The following EBF2 variants were observed in gnomAD, a reference collection of about 807,000 sequenced individuals.
EBF2 encodes the protein EBF transcription factor 2.
In EBF2, 21 loss-of-function variants were observed where a neutral mutation model predicts 72.8. The ratio of observed to expected loss-of-function variants is 0.29; its 90% CI spans 0.20 to 0.42. The LOEUF is 0.42. Ranked by LOEUF, EBF2 falls within the 10% of genes least tolerant of loss-of-function variation. The pLI is 1.00. For missense variants in EBF2, 637 were observed against 731.2 expected, an observed-to-expected ratio of 0.87 and a Z score of 1.49; for synonymous variants, 299 against 274.2, an observed-to-expected ratio of 1.09 and a Z score of -0.89.
chr8:25,900,851 G>C (rs567466307), intron 7 of EBF2, among the ~76,000 whole-genome samples: 2 of 152,228 alleles, frequency 1.3e-5, no homozygotes, highest in Admixed American at 1.3e-4. Flanking sequence ...AGGATGAAGA[G>C]AGGTTGGTTA....
intron 6 of EBF2, among the ~76,000 whole-genome samples, chr8:25,923,854 A>G (rs147126408): frequency 9.5e-4 from 145 of 152,280 alleles, no homozygotes; most frequent in African/African-American, 3.2e-3. Flanking sequence ...ATTGACTTTG[A>G]TCATTTTTTT....
At chr8:25,846,076 C>T (rs1563371406) in intron 15 of EBF2, among the ~76,000 whole-genome samples, 1 of 152,138 alleles carries the variant, frequency 6.6e-6, no homozygotes, top group African/African-American at 2.4e-5. Flanking sequence ...GGATTAAGGT[C>T]TTACACAGCT....
intron 14 of EBF2, among the ~76,000 whole-genome samples, chr8:25,854,480 T>C (rs768373672): frequency 1.3e-5 from 2 of 152,186 alleles, no homozygotes; most frequent in Non-Finnish European, 2.9e-5. Flanking sequence ...TCATTAGTTG[T>C]GCATCAGAGC....
chr8:26,015,798 C>T (rs1454951807), intron 6 of EBF2, among the ~76,000 whole-genome samples: 1 of 152,170 alleles, frequency 6.6e-6, no homozygotes. Flanking sequence ...GTGGCAAAGC[C>T]TAGGCCAATG....
At chr8:25,993,405 C>T (rs1804576047) in intron 6 of EBF2, among the ~76,000 whole-genome samples, 1 of 152,180 alleles carries the variant, frequency 6.6e-6, no homozygotes. Flanking sequence ...ACTACAAGAC[C>T]TAGAGAGGCA....
At chr8:25,924,159 A>G (rs1585197009) in intron 6 of EBF2, among the ~76,000 whole-genome samples, 1 of 152,196 alleles carries the variant, frequency 6.6e-6, no homozygotes, top group East Asian at 1.9e-4. Flanking sequence ...CTCGTCCCTC[A>G]TACAAGTCCC....
intron 6 of EBF2, among the ~76,000 whole-genome samples, chr8:25,934,638 A>G (rs569111347): frequency 1.3e-5 from 2 of 152,280 alleles, no homozygotes; most frequent in East Asian, 3.9e-4. Flanking sequence ...CGGTCTCTGC[A>G]TGCTCAACCA....
intron 6 of EBF2, among the ~76,000 whole-genome samples, chr8:25,929,421 A>G (rs1803443275): frequency 1.3e-5 from 2 of 152,194 alleles, no homozygotes; most frequent in African/African-American, 2.4e-5. Flanking sequence ...GACTTAGAGC[A>G]CTTAGTACGA....
chr8:25,898,898 G>A (rs1336742098), intron 7 of EBF2, among the ~76,000 whole-genome samples: 3 of 152,144 alleles, frequency 2.0e-5, no homozygotes, highest in African/African-American at 4.8e-5. Flanking sequence ...TGGGTTCAGC[G>A]GCAGGTTTGT....
chr8:26,000,284 G>A (rs1804703054), intron 6 of EBF2, among the ~76,000 whole-genome samples: 1 of 152,108 alleles, frequency 6.6e-6, no homozygotes, highest in South Asian at 2.1e-4. Context: ...ACAAAGCAGT[G>A]CAAATGCTAG....
chr8:25,844,495 G>T lies in EBF2; in HGVS notation c.*114C>A. On this transcript the variant is annotated 3_prime_UTR_variant, in exon 16 of 16. Transcript: ENST00000520164. ...GCTGGCTCCTTGCAGACCCAAGGGT[G>T]TCCATCATGTTCATGTGGGGGCACC... is the stretch of plus-strand genomic sequence containing the variant. 8.3e-7 allele frequency: 1 copy of T among 1,210,046 alleles called. No individual in the cohort carries two copies. Among genetic ancestry groups the T allele is most frequent in the Non-Finnish European group, 1.2e-6 (1 of 822,774 alleles). 75.0% of individuals were successfully genotyped at this position (1,210,046 alleles called of 1,614,324 possible). A position where few individuals can be genotyped will look rare whatever the true frequency, so the allele number is the denominator to read the frequency against.
In EBF2 at chr8:25,844,632, C is replaced by T. The variant is rs760101657; in HGVS notation, c.1705G>A (p.Gly569Arg). 1.4e-5 allele frequency: 23 copies of T among 1,613,838 alleles called. No individual in the cohort carries two copies. The highest frequency in any genetic ancestry group is 1.7e-5 in the Non-Finnish European group (20 of 1,179,904). The change falls in exon 16 of 16, where the codon GGA (glycine) becomes AGA (arginine). Residue 569 changes from glycine to arginine, a missense_variant. Gly to Arg is a moderately radical substitution (Grantham distance 125). Around this residue, in one of 3 missense-constraint regions of EBF2, gnomAD observed 259 missense variants for 268.1 expected, o/e 0.97. Transcript: ENST00000520164. ...CTTTACATCGGGGGTACAACAAGTCCGGTCATGGCTGCAAGGAAAGAGTGG... is the reference window on the plus strand; with the variant it reads ...CTTTACATCGGGGGTACAACAAGTCTGGTCATGGCTGCAAGGAAAGAGTGG... The part of the protein sequence containing the change: ...GNGNGFRAMT[G>R]LVVPPM
chr8:25,924,310 A>T (rs1280674324), intron 6 of EBF2, among the ~76,000 whole-genome samples: 1 of 152,194 alleles, frequency 6.6e-6, no homozygotes, highest in Non-Finnish European at 1.5e-5. Flanking sequence ...CCTACCGTAA[A>T]ATCAGCCTCT....
At chr8:25,892,698 T>C (rs1483717269) in intron 7 of EBF2, among the ~76,000 whole-genome samples, 2 of 152,212 alleles carry the variant, frequency 1.3e-5, no homozygotes, top group African/African-American at 2.4e-5. Flanking sequence ...ATCTTGAACA[T>C]GGTGGTAACA....
At chr8:25,847,152 C>A (rs1304948464) in intron 15 of EBF2, among the ~76,000 whole-genome samples, 1 of 152,136 alleles carries the variant, frequency 6.6e-6, no homozygotes, top group African/African-American at 2.4e-5. Flanking sequence ...TCTTAAGGCA[C>A]TCAGTTCGGC....
At chr8:25,885,106 C>CT (rs1563388396) in intron 10 of EBF2, among the ~76,000 whole-genome samples, 1 of 151,896 alleles carries the variant, frequency 6.6e-6, no homozygotes, top group Non-Finnish European at 1.5e-5. Flanking sequence ...AACACCATTT[C>CT]TTTTTTTGAA....
At chr8:25,949,853 G>A (rs562654426) in intron 6 of EBF2, among the ~76,000 whole-genome samples, 6 of 152,304 alleles carry the variant, frequency 3.9e-5, no homozygotes, top group East Asian at 3.9e-4. Flanking sequence ...GTTTTGCCTC[G>A]AGCTGGCCTG....
At chr8:25,978,167 C>T (rs1804298674) in intron 6 of EBF2, among the ~76,000 whole-genome samples, 1 of 152,122 alleles carries the variant, frequency 6.6e-6, no homozygotes, top group African/African-American at 2.4e-5. Flanking sequence ...CCATGTGCTC[C>T]GTCTACCCCA....
intron 6 of EBF2, among the ~76,000 whole-genome samples, chr8:26,027,229 T>G (rs1345664134): frequency 6.6e-6 from 1 of 152,146 alleles, no homozygotes; most frequent in South Asian, 2.1e-4. Flanking sequence ...TCACTGGAGT[T>G]AAGAAACACA....
Sources: allele counts gnomAD v4.1 joint callset (sites outside exome capture counted in the v4.1 genomes callset), GRCh38; gene constraint gnomAD v4.1.1; regional missense constraint gnomAD v4.1.1; transcripts MANE v1.5; gene names NCBI Gene and HGNC (gene_info 2026-07-23, HGNC 2026-07-21).